The following PDE1C variants were observed in gnomAD, a reference collection of about 807,000 sequenced individuals.
PDE1C encodes the protein dual specificity calcium/calmodulin-dependent 3',5'-cyclic nucleotide phosphodiesterase 1C.
PDE1C carries 62 observed loss-of-function variants against 93.1 expected under a neutral mutation model. The observed-to-expected ratio is 0.67, with a 90% CI of 0.54 to 0.82. The LOEUF (loss-of-function observed/expected upper bound fraction) is 0.82. Among genes scored for constraint, PDE1C ranks in the 40% least tolerant of loss-of-function variants. The probability of loss-of-function intolerance (pLI) is 0.00; values close to 1 mark genes in which losing one functional copy is unlikely to be tolerated. For synonymous variants in PDE1C, 325 were observed against 310.1 expected (o/e 1.05, Z -0.50); for missense variants, 742 against 884.6 (o/e 0.84, Z 2.04).
intron 1 of PDE1C, among the ~76,000 whole-genome samples, chr7:32,220,444 G>A (rs980232095): frequency 1.3e-5 from 2 of 152,166 alleles, no homozygotes; most frequent in African/African-American, 4.8e-5. Flanking sequence ...AAGTGGGAAA[G>A]CTGGGATTGA....
At chr7:32,317,191 G>A (rs1166906134) in intron 1 of PDE1C, among the ~76,000 whole-genome samples, 1 of 152,224 alleles carries the variant, frequency 6.6e-6, no homozygotes, top group Non-Finnish European at 1.5e-5. Flanking sequence ...TTAATGATTA[G>A]ATTGAAAGAA....
intron 2 of PDE1C, among the ~76,000 whole-genome samples, chr7:32,171,019 G>T (rs923088638): frequency 3.9e-5 from 6 of 152,092 alleles, no homozygotes; most frequent in African/African-American, 1.4e-4. Flanking sequence ...TGCCTTGCCT[G>T]TTCCTTCTTG....
At chr7:31,898,023 TGTGTG>T (rs1562993976) in intron 2 of PDE1C, among the ~76,000 whole-genome samples, 1,015 of 26,842 alleles carry the variant, frequency 0.038, 6 homozygotes, top group African/African-American at 0.09. Flanking sequence ...GGTTTCTTTG[TGTGTG>T]TGTGTGTGTG....
intron 1 of PDE1C, among the ~76,000 whole-genome samples, chr7:32,240,741 G>A (rs1042943466): frequency 6.6e-6 from 1 of 152,182 alleles, no homozygotes; most frequent in Non-Finnish European, 1.5e-5. Flanking sequence ...GCAGAGCAGG[G>A]ATATGACCTG....
intron 16 of PDE1C, among the ~76,000 whole-genome samples, chr7:31,796,561 A>G (rs1032350509): frequency 2.0e-5 from 3 of 151,750 alleles, no homozygotes; most frequent in Non-Finnish European, 4.4e-5. Context: ...ATTCACTATG[A>G]CTCAGATGAA....
intron 16 of PDE1C, chr7:31,790,229 T>C: frequency 1.2e-6 from 2 of 1,612,650 alleles, no homozygotes; most frequent in East Asian, 4.5e-5. Flanking sequence ...CCTCTTTTAT[T>C]GTCTATGAGG....
chr7:32,006,480 G>C (rs1051892746), intron 2 of PDE1C, among the ~76,000 whole-genome samples: 1 of 152,142 alleles, frequency 6.6e-6, no homozygotes, highest in Non-Finnish European at 1.5e-5. Flanking sequence ...GCCATGGTTT[G>C]GGTGTCAGAT....
the PDE1C span, chr7:31,687,337 T>A: frequency 3.3e-5 from 5 of 152,282 alleles, no homozygotes; most frequent in Non-Finnish European, 7.3e-5. Context: ...CTCCAAGAAC[T>A]TTTGTGGTGA....
the PDE1C span, among the ~76,000 whole-genome samples, chr7:31,671,926 G>A: frequency 6.6e-6 from 1 of 152,116 alleles, no homozygotes; most frequent in East Asian, 1.9e-4. Flanking sequence ...AGCCCCACAA[G>A]GTCTTTTGTA....
At chr7:31,616,911 G>T in the PDE1C span, among the ~76,000 whole-genome samples, 1 of 152,094 alleles carries the variant, frequency 6.6e-6, no homozygotes, top group Non-Finnish European at 1.5e-5. Flanking sequence ...CTTCTTGGTG[G>T]TTTGTGGGAA....
the PDE1C span, among the ~76,000 whole-genome samples, chr7:31,709,681 C>A: frequency 1.3e-5 from 2 of 152,032 alleles, no homozygotes; most frequent in Admixed American, 6.6e-5. Context: ...CATAACCAAC[C>A]CTGGATATCA....
chr7:31,763,262 T>C (rs1441478982), intron 17 of PDE1C, among the ~76,000 whole-genome samples: 4 of 152,194 alleles, frequency 2.6e-5, no homozygotes, highest in Non-Finnish European at 4.4e-5. Context: ...GCTAAGATTG[T>C]AGAAACACAA....
chr7:31,687,549 A>C, the PDE1C span, among the ~76,000 whole-genome samples: 3 of 152,212 alleles, frequency 2.0e-5, no homozygotes, highest in African/African-American at 7.2e-5. Context: ...TTTCAAGATG[A>C]AGTTGGTGTA....
intron 1 of PDE1C, among the ~76,000 whole-genome samples, chr7:32,293,544 G>A (rs935462901): frequency 6.6e-6 from 1 of 152,098 alleles, no homozygotes; most frequent in East Asian, 1.9e-4. Flanking sequence ...ACCTTCACTC[G>A]ATCCTCACCA....
chr7:31,775,609 A>G, intron 17 of PDE1C, 55 bp downstream of exon 17: 2 of 1,435,822 alleles, frequency 1.4e-6, no homozygotes, highest in Non-Finnish European at 2.0e-6. Context: ...CCGAGAAACC[A>G]GGCCTTTCCA....
intron 2 of PDE1C, among the ~76,000 whole-genome samples, chr7:31,887,875 T>G (rs1423267086): frequency 6.6e-6 from 1 of 152,224 alleles, no homozygotes; most frequent in East Asian, 1.9e-4. Context: ...GGTCAAAGGT[T>G]AAATCACAAA....
At chr7:31,651,380 G>C in the PDE1C span, 22 of 1,255,182 alleles carry the variant, frequency 1.8e-5, no homozygotes, top group Middle Eastern at 2.5e-4. Context: ...ATGAGAAACC[G>C]GCCAGCTTTT....
At chr7:32,408,178 G>C (rs1025912035) in intron 1 of PDE1C, among the ~76,000 whole-genome samples, 5 of 152,198 alleles carry the variant, frequency 3.3e-5, no homozygotes, top group Non-Finnish European at 5.9e-5. Context: ...AAAAAGAACA[G>C]AGGATGTAGT....
In PDE1C at chr7:31,841,225, C is replaced by CTATATATATATA. The variant is rs1245444243; in HGVS notation, c.981-3255_981-3254insTATATATATATA. 3.5e-3 allele frequency among the ~76,000 whole-genome samples: 312 copies of CTATATATATATA among 89,618 alleles called. 1 individual carries two copies. Among genetic ancestry groups the CTATATATATATA allele is most frequent in the Non-Finnish European group, 6.1e-3 (280 of 46,190 alleles). 58.8% of individuals were successfully genotyped at this position (89,618 alleles called of 152,430 possible). On this transcript the variant is annotated intron_variant, in intron 9 of 17. Transcript: ENST00000396191. ...CCTCTCTCTGTCTCTCTCTCTCTCT[C>CTATATATATATA]TCTATATATATATATATATGTATAT...
Sources: gnomAD v4.1 joint callset for allele counts (sites outside exome capture counted in the v4.1 genomes callset) on GRCh38, gnomAD v4.1.1 for gene constraint, MANE v1.5 for transcripts, NCBI Gene and HGNC (gene_info 2026-07-23, HGNC 2026-07-21) for gene names.